Variants in VCL observed in about 807,000 individuals in gnomAD.
The protein encoded by VCL is epididymis luminal protein 114.
In VCL, 47 loss-of-function variants were observed where a neutral mutation model predicts 125.7. That is an observed-to-expected ratio of 0.37 (90% confidence interval 0.30 to 0.48). VCL has a LOEUF of 0.48. VCL is among the 20% of genes least tolerant of loss of function. VCL has a pLI of 0.99. For missense variants in VCL, 1,069 were observed against 1,455.5 expected (o/e 0.73, Z 4.32); for synonymous variants, 458 against 514.6 (o/e 0.89, Z 1.49).
At chr10:74,065,567 T>C (rs1480761175) in intron 2 of VCL, among the ~76,000 whole-genome samples, 2 of 151,846 alleles carry the variant, frequency 1.3e-5, no homozygotes, top group African/African-American at 4.8e-5. Flanking sequence ...GGTCTGTGCC[T>C]GTAGTCCCAG....
intron 8 of VCL, among the ~76,000 whole-genome samples, chr10:74,083,943 C>T (rs900434797): frequency 2.0e-5 from 3 of 152,026 alleles, no homozygotes; most frequent in African/African-American, 4.8e-5. Context: ...TCTTGGGTCA[C>T]TGCAACCTCC....
intron 2 of VCL, among the ~76,000 whole-genome samples, chr10:74,067,761 T>C (rs1841596241): frequency 6.6e-6 from 1 of 152,232 alleles, no homozygotes; most frequent in South Asian, 2.1e-4. Context: ...TGAATTCTTT[T>C]GTATGATGTT....
intron 6 of VCL, among the ~76,000 whole-genome samples, chr10:74,081,247 A>G (rs1360118823): frequency 1.3e-5 from 2 of 152,218 alleles, no homozygotes; most frequent in Admixed American, 6.5e-5. Context: ...AAGGGGAAGG[A>G]GGGATTCCGA....
At chr10:74,002,536 T>A (rs2136221105) in intron 1 of VCL, among the ~76,000 whole-genome samples, 1 of 152,086 alleles carries the variant, frequency 6.6e-6, no homozygotes, top group African/African-American at 2.4e-5. Flanking sequence ...GGATATAACA[T>A]TGAGTTGGGT....
chr10:74,030,885 C>G (rs542311141), intron 1 of VCL, among the ~76,000 whole-genome samples: 1 of 152,188 alleles, frequency 6.6e-6, no homozygotes, highest in Non-Finnish European at 1.5e-5. Context: ...ATTTTTCACA[C>G]AAAAAAATTG....
At chr10:74,018,678 A>C (rs1194334471) in intron 1 of VCL, among the ~76,000 whole-genome samples, 19 of 152,176 alleles carry the variant, frequency 1.2e-4, no homozygotes, top group Admixed American at 1.2e-3. Context: ...GACGACATAA[A>C]TCAGTTAAAA....
intron 1 of VCL, among the ~76,000 whole-genome samples, chr10:73,998,924 C>G (rs1352139809): frequency 1.3e-5 from 2 of 152,106 alleles, no homozygotes. Context: ...GCCTCGCCCA[C>G]CCCCGCTCCC....
At chr10:74,016,361 A>C (rs1332304596) in intron 1 of VCL, among the ~76,000 whole-genome samples, 1 of 152,188 alleles carries the variant, frequency 6.6e-6, no homozygotes, top group African/African-American at 2.4e-5. Context: ...CTGTAATCCC[A>C]GCACTTTGGG....
chr10:74,094,176 A>G (rs1839930228), intron 10 of VCL, 95 bp from the exon 11 acceptor site: 1 of 1,481,860 alleles, frequency 6.7e-7, no homozygotes, highest in Admixed American at 2.0e-5. Flanking sequence ...ATCAGGAGCA[A>G]TTTGTCATCC....
At chr10:74,113,795 C>T (rs1840267648) in intron 19 of VCL, among the ~76,000 whole-genome samples, 1 of 152,134 alleles carries the variant, frequency 6.6e-6, no homozygotes, top group South Asian at 2.1e-4. Context: ...GCTCCTTGGC[C>T]CTGTCCCCAG....
intron 2 of VCL, among the ~76,000 whole-genome samples, chr10:74,068,596 A>T (rs2136271435): frequency 6.6e-6 from 1 of 152,310 alleles, no homozygotes; most frequent in Non-Finnish European, 1.5e-5. Context: ...AAGTGCTGGG[A>T]TTACACGTGT....
At chr10:74,061,846 A>G (rs1450260390) in intron 2 of VCL, among the ~76,000 whole-genome samples, 2 of 149,514 alleles carry the variant, frequency 1.3e-5, no homozygotes, top group Non-Finnish European at 3.0e-5. Context: ...TTTCGTATCT[A>G]GTTGTTCTAT....
intron 10 of VCL, among the ~76,000 whole-genome samples, chr10:74,090,999 C>G (rs1004564486): frequency 1.3e-5 from 2 of 151,914 alleles, no homozygotes; most frequent in African/African-American, 2.4e-5. Context: ...CGGGGTGTTG[C>G]TATGTTGTCA....
Position 74,111,897 on chromosome 10 carries a change from C to A in VCL, c.2746-12C>A. On this transcript the variant is annotated splice_polypyrimidine_tract_variant and intron_variant, in intron 18 of 21. Coordinates refer to ENST00000211998, the MANE Select transcript of VCL (RefSeq NM_014000.3). ...CTATCCCTATTTCTCATCCTTCCCG[C>A]CATCGACAAAGCCGGGCATCCCAGC... 6.2e-7 allele frequency: 1 copy of A among 1,614,192 alleles called. No individual in the cohort carries two copies.
At chr10:74,096,219 G>C (rs1003682026) in intron 12 of VCL, among the ~76,000 whole-genome samples, 1 of 151,184 alleles carries the variant, frequency 6.6e-6, no homozygotes, top group Non-Finnish European at 1.5e-5. Flanking sequence ...TCTGTGGGCC[G>C]GGCATGGTGG....
At chr10:74,069,607 A>G (rs7893659) in intron 2 of VCL, among the ~76,000 whole-genome samples, 9,551 of 152,186 alleles carry the variant, frequency 0.063, 1,019 homozygotes, top group African/African-American at 0.22. Context: ...GACATTTTCT[A>G]TGTTTTCAAA....
At chr10:74,035,734 G>T (rs1385674953) in intron 1 of VCL, among the ~76,000 whole-genome samples, 1 of 152,204 alleles carries the variant, frequency 6.6e-6, no homozygotes, top group East Asian at 1.9e-4. Context: ...AATAAAGTTA[G>T]GAAGGGATAA....
chr10:74,075,109 A>T (rs753710201), intron 6 of VCL: 71 of 630,236 alleles, frequency 1.1e-4, no homozygotes, highest in Non-Finnish European at 1.7e-4. Context: ...GAACAAGTAA[A>T]TAGGCATGTG....
intron 6 of VCL, 174 bp downstream of exon 6, chr10:74,075,077 T>C (rs144316957): frequency 2.4e-6 from 2 of 838,746 alleles, no homozygotes; most frequent in African/African-American, 1.7e-5. Flanking sequence ...CTATCTTTGC[T>C]AATTTCCTTT....
Sources: allele counts gnomAD v4.1 joint callset (sites outside exome capture counted in the v4.1 genomes callset), GRCh38; gene constraint gnomAD v4.1.1; transcripts MANE v1.5; gene names NCBI Gene and HGNC (gene_info 2026-07-23, HGNC 2026-07-21).